KCNK2: variants seen among roughly 807,000 people sequenced by gnomAD.
KCNK2 encodes the protein potassium two pore domain channel subfamily K member 2.
In KCNK2, 21 loss-of-function variants were observed where a neutral mutation model predicts 40.5. The ratio of observed to expected loss-of-function variants is 0.52; its 90% CI spans 0.37 to 0.75. The LOEUF (loss-of-function observed/expected upper bound fraction) is 0.75, where lower values mean the gene tolerates loss of function less well. KCNK2 is among the 30% of genes least tolerant of loss of function. The probability of loss-of-function intolerance (pLI) is 0.00; values close to 1 mark genes in which losing one functional copy is unlikely to be tolerated. For synonymous variants in KCNK2, 191 were observed against 202.2 expected (o/e 0.94, Z 0.47); for missense variants, 399 against 531.6 (o/e 0.75, Z 2.45).
At chr1:215,142,152 A>G (rs1025256209) in intron 3 of KCNK2, among the ~76,000 whole-genome samples, 1 of 151,982 alleles carries the variant, frequency 6.6e-6, no homozygotes, top group African/African-American at 2.4e-5. Context: ...TTTCCTTTCA[A>G]TCATCTATTT....
intron 6 of KCNK2, among the ~76,000 whole-genome samples, chr1:215,223,360 A>G (rs992621119): frequency 1.3e-5 from 2 of 151,910 alleles, no homozygotes; most frequent in Non-Finnish European, 2.9e-5. Flanking sequence ...TCCCTTATCT[A>G]GTGATGATTC....
intron 1 of KCNK2, among the ~76,000 whole-genome samples, chr1:215,006,995 C>T (rs1311697195): frequency 3.6e-5 from 2 of 55,534 alleles, no homozygotes; most frequent in African/African-American, 1.8e-4. Flanking sequence ...GGGACCAATT[C>T]ACTATATATA....
intron 5 of KCNK2, among the ~76,000 whole-genome samples, chr1:215,184,370 C>T (rs1664343817): frequency 6.6e-6 from 1 of 152,172 alleles, no homozygotes; most frequent in African/African-American, 2.4e-5. Context: ...ATATAACTAA[C>T]AAGGCCTTAT....
chr1:215,073,479 T>C (rs1325953322), intron 1 of KCNK2, among the ~76,000 whole-genome samples: 1 of 152,062 alleles, frequency 6.6e-6, no homozygotes, highest in Non-Finnish European at 1.5e-5. Context: ...GGAAGATGTG[T>C]TTTTACTGAG....
At position 215,194,968 on chromosome 1, in the gene KCNK2, A is replaced by T. The variant is rs750307755; in HGVS notation, c.839A>T (p.Glu280Val). The change falls in exon 6 of 7, where the codon GAA becomes GTA. Residue 280 changes from glutamate (E) to valine (V), a missense_variant. This residue lies in a region of KCNK2 where 279 missense variants were observed against 353.8 expected (regional missense o/e 0.79). Transcript: ENST00000444842. The stretch of plus-strand genomic sequence containing the variant: ...TTGTCTCCAGGTGGATCCGATATTG[A>T]ATATCTGGACTTCTATAAGCCTGTC... The part of the protein sequence containing the change: ...GDYVAGGSDI[E>V]YLDFYKPVVW... 4 of 1,613,374 alleles carry T rather than the reference A, an allele frequency of 2.5e-6. No homozygotes were observed. Among genetic ancestry groups the T allele is most frequent in the Non-Finnish European group, 2.5e-6 (3 of 1,179,580 alleles).
intron 1 of KCNK2, among the ~76,000 whole-genome samples, chr1:215,038,116 A>G (rs961314642): frequency 1.3e-5 from 2 of 151,742 alleles, no homozygotes; most frequent in African/African-American, 2.4e-5. Context: ...TTTATCTTCA[A>G]CTCTTTATCT....
Position 215,136,724 on chromosome 1 carries a change from C to T in KCNK2, c.475+11974C>T, listed in dbSNP as rs560807279. 1.2e-3 allele frequency among the ~76,000 whole-genome samples: 184 copies of T among 152,228 alleles called. 1 individual carries two copies. Among genetic ancestry groups the T allele is most frequent in the African/African-American group, 3.7e-3 (154 of 41,548 alleles). On this transcript the variant is annotated intron_variant, in intron 3 of 6. Coordinates refer to ENST00000444842, the MANE Select transcript of KCNK2 (RefSeq NM_001017425.3). ...CAGAATGAGGCACATTGAACACCGG[C>T]TGATAAAGCTTTATACAAGTGCACA...
At chr1:215,029,626 T>G (rs1273240734) in intron 1 of KCNK2, among the ~76,000 whole-genome samples, 6 of 147,492 alleles carry the variant, frequency 4.1e-5, no homozygotes, top group Non-Finnish European at 7.5e-5. Flanking sequence ...ATTTAATATA[T>G]GAATATAAAT....
chr1:215,111,323 G>A (rs1660674762), intron 2 of KCNK2, among the ~76,000 whole-genome samples: 1 of 151,998 alleles, frequency 6.6e-6, no homozygotes, highest in African/African-American at 2.4e-5. Context: ...AAAAGCTTCA[G>A]TTTTTCACCA....
At chr1:215,234,090 C>T (rs1666780178) in intron 6 of KCNK2, among the ~76,000 whole-genome samples, 1 of 152,228 alleles carries the variant, frequency 6.6e-6, no homozygotes, top group African/African-American at 2.4e-5. Context: ...GGTGGCAGCC[C>T]ACAGGTTGAG....
At chr1:215,078,142 G>A (rs554886070), upstream of KCNK2, among the ~76,000 whole-genome samples, 6 of 152,128 alleles carry the variant, frequency 3.9e-5, no homozygotes, top group East Asian at 5.8e-4. Flanking sequence ...AAAAAACCTC[G>A]TAATGTTTTA....
chr1:215,082,596 G>A (rs2102524720), upstream of KCNK2, among the ~76,000 whole-genome samples: 1 of 152,226 alleles, frequency 6.6e-6, no homozygotes, highest in South Asian at 2.1e-4. Context: ...CCAGGAAGAG[G>A]GAAGAGAGGA....
intron 6 of KCNK2, among the ~76,000 whole-genome samples, chr1:215,229,989 A>C (rs529607960): frequency 6.7e-4 from 101 of 150,030 alleles, no homozygotes; most frequent in African/African-American, 2.3e-3. Flanking sequence ...ATATTTTGAG[A>C]ACACACACAG....
chr1:215,218,468 A>G (rs1666042807), intron 6 of KCNK2, among the ~76,000 whole-genome samples: 1 of 152,190 alleles, frequency 6.6e-6, no homozygotes, highest in Admixed American at 6.5e-5. Flanking sequence ...ATCACCCCGC[A>G]TTCATCCAGT....
chr1:215,229,406 G>T (rs951763792), intron 6 of KCNK2, among the ~76,000 whole-genome samples: 52 of 152,174 alleles, frequency 3.4e-4, no homozygotes, highest in African/African-American at 1.0e-3. Flanking sequence ...GCTCACACCT[G>T]TAATCCCAGC....
chr1:215,049,248 C>G (rs1657895867), intron 1 of KCNK2, among the ~76,000 whole-genome samples: 1 of 152,122 alleles, frequency 6.6e-6, no homozygotes, highest in African/African-American at 2.4e-5. Flanking sequence ...TTCCTAATGG[C>G]TGAATGAAGT....
intron 3 of KCNK2, among the ~76,000 whole-genome samples, chr1:215,146,906 A>C (rs1662440542): frequency 6.6e-6 from 1 of 152,232 alleles, no homozygotes; most frequent in Admixed American, 6.5e-5. Flanking sequence ...AAGCGTACAC[A>C]TGAAGGGATC....
chr1:215,009,874 G>A (rs745634216), intron 1 of KCNK2, among the ~76,000 whole-genome samples: 11 of 152,170 alleles, frequency 7.2e-5, no homozygotes, highest in African/African-American at 2.6e-4. Flanking sequence ...AGAGAATGAA[G>A]TTATTCATAT....
upstream of KCNK2, among the ~76,000 whole-genome samples, chr1:215,078,513 G>C (rs1659034415): frequency 6.6e-6 from 1 of 152,168 alleles, no homozygotes; most frequent in Admixed American, 6.5e-5. Context: ...AGTGCCAGTA[G>C]GGGAAATGCC....
Sources: allele counts gnomAD v4.1 joint callset (sites outside exome capture counted in the v4.1 genomes callset), GRCh38; gene constraint gnomAD v4.1.1; regional missense constraint gnomAD v4.1.1; transcripts MANE v1.5; gene names NCBI Gene and HGNC (gene_info 2026-07-23, HGNC 2026-07-21).